The following STXBP4 variants were observed in gnomAD, a reference collection of about 807,000 sequenced individuals.
STXBP4 encodes syntaxin binding protein 4, also known as syntaxin-binding protein 4.
Under a neutral mutation model 76.1 loss-of-function variants are expected in STXBP4, and 55 were observed. The ratio of observed to expected loss-of-function variants is 0.72; its 90% confidence interval spans 0.58 to 0.91. The LOEUF is 0.91. Ranked by LOEUF, STXBP4 falls within the 40% of genes least tolerant of loss-of-function variation. The pLI is 0.00. For synonymous variants in STXBP4, 201 were observed against 220.2 expected (o/e 0.91, Z 0.77); for missense variants, 618 against 636.9 (o/e 0.97, Z 0.32).
At chr17:55,189,342 C>T in the STXBP4 span, among the ~76,000 whole-genome samples, 1 of 152,166 alleles carries the variant, frequency 6.6e-6, no homozygotes, top group Admixed American at 6.5e-5. Context: ...AAATGTGTGA[C>T]TTGAACAAGC....
chr17:55,047,104 T>C lies in STXBP4; in HGVS notation c.961T>C (p.Ser321Pro). The C allele has an allele frequency of 6.2e-7, 1 of 1,604,886 alleles. No individual in the cohort carries two copies. Among genetic ancestry groups the C allele is most frequent in the Non-Finnish European group, 8.5e-7 (1 of 1,173,634 alleles). ...VNTLKEKLLE[S>P]DKQRKQLTEE... The stretch of plus-strand genomic sequence containing the variant: ...TTAAATATAGGAAAAATTATTGGAA[T>C]CAGATAAGCAAAGGAAACAATTGAC... The change falls in exon 12 of 18, where the codon TCA becomes CCA. Residue 321 changes from serine to proline, a missense_variant. Ser to Pro is a moderately conservative substitution (Grantham distance 74). Transcript: ENST00000376352.
chr17:55,048,394 AC>A (rs925177237), intron 12 of STXBP4, among the ~76,000 whole-genome samples: 5 of 151,896 alleles, frequency 3.3e-5, no homozygotes, highest in African/African-American at 1.2e-4. Context: ...AAAGTATAGA[AC>A]AAAAATTCTA....
At chr17:55,051,429 C>T (rs1226855900) in intron 12 of STXBP4, among the ~76,000 whole-genome samples, 1 of 152,052 alleles carries the variant, frequency 6.6e-6, no homozygotes, top group Non-Finnish European at 1.5e-5. Context: ...TCATACAAGT[C>T]CTAAACCTTT....
chr17:55,159,739 C>T (rs2080319995), intron 17 of STXBP4, 58 bp from the exon 18 acceptor site: 2 of 1,174,480 alleles, frequency 1.7e-6, no homozygotes, highest in African/African-American at 1.5e-5. Flanking sequence ...TCAGTACTTG[C>T]ATGGATGAGT....
intron 8 of STXBP4, among the ~76,000 whole-genome samples, chr17:55,023,916 CAAAAAAAAAAAAA>C (rs61454264): frequency 4.0e-3 from 249 of 62,276 alleles, no homozygotes; most frequent in Middle Eastern, 0.026. Flanking sequence ...GGCCCTTTTC[CAAAAAAAAAAAAA>C]AAAAAAAAAA....
intron 17 of STXBP4, among the ~76,000 whole-genome samples, chr17:55,150,889 C>G (rs1377160709): frequency 6.6e-6 from 1 of 152,078 alleles, no homozygotes; most frequent in Non-Finnish European, 1.5e-5. Flanking sequence ...AATCAACTAA[C>G]CTTAAAATAG....
intron 8 of STXBP4, among the ~76,000 whole-genome samples, chr17:55,014,125 C>A (rs1366211939): frequency 3.3e-5 from 5 of 152,066 alleles, no homozygotes; most frequent in African/African-American, 4.8e-5. Context: ...CTTTTAGGTC[C>A]TTAACAATTT....
chr17:55,031,252 G>GT lies in STXBP4; in HGVS notation c.752dup (p.Ser252ValfsTer19). The GT allele has an allele frequency of 1.2e-6, 2 of 1,612,050 alleles. No homozygotes were observed. Among genetic ancestry groups the GT allele is most frequent in the Non-Finnish European group, 1.7e-6 (2 of 1,178,366 alleles). On this transcript the variant is annotated frameshift_variant, in exon 9 of 18. Coordinates refer to ENST00000376352, the MANE Select transcript of STXBP4 (RefSeq NM_178509.6). LOFTEE classifies it high-confidence loss of function. ...AGTACAAGCAGACTCAAAAGGGACAGTGTCTTTTGGAGGTAATATTAGGTT... is the reference window on the plus strand; with the variant it reads ...AGTACAAGCAGACTCAAAAGGGACAGTTGTCTTTTGGAGGTAATATTAGGTT...
intron 16 of STXBP4, among the ~76,000 whole-genome samples, chr17:55,109,966 ATTATC>A (rs2079693131): frequency 6.6e-6 from 1 of 152,152 alleles, no homozygotes; most frequent in Admixed American, 6.5e-5. Flanking sequence ...ATACAAATGT[ATTATC>A]TTATAGTTCT....
At chr17:55,069,248 A>T (rs557429543) in intron 12 of STXBP4, among the ~76,000 whole-genome samples, 1 of 151,782 alleles carries the variant, frequency 6.6e-6, no homozygotes, top group Non-Finnish European at 1.5e-5. Flanking sequence ...ATTAAAAAGC[A>T]TAATGCTTAT....
downstream of STXBP4, among the ~76,000 whole-genome samples, chr17:55,175,429 A>G (rs1598364508): frequency 6.6e-6 from 1 of 152,230 alleles, no homozygotes; most frequent in East Asian, 1.9e-4. Flanking sequence ...AACTTCAAGA[A>G]TCTAAAGTTG....
chr17:55,013,475 C>T (rs1053790967), intron 8 of STXBP4, among the ~76,000 whole-genome samples: 3 of 152,212 alleles, frequency 2.0e-5, no homozygotes, highest in Non-Finnish European at 4.4e-5. Context: ...TGCCAAGGAA[C>T]TCTCTTAGTT....
chr17:54,992,754 A>G (rs2077739175), intron 4 of STXBP4, among the ~76,000 whole-genome samples: 1 of 124,144 alleles, frequency 8.1e-6, no homozygotes, highest in African/African-American at 3.1e-5. Context: ...TCTGTTGCCC[A>G]GGCTGGAGTG....
At chr17:54,990,364 G>A (rs931826476) in intron 3 of STXBP4, among the ~76,000 whole-genome samples, 3 of 152,066 alleles carry the variant, frequency 2.0e-5, no homozygotes, top group African/African-American at 4.8e-5. Context: ...GATCAATGGC[G>A]GCATTCAATG....
intron 16 of STXBP4, among the ~76,000 whole-genome samples, chr17:55,089,752 A>G (rs537763854): frequency 6.6e-6 from 1 of 152,354 alleles, no homozygotes; most frequent in South Asian, 2.1e-4. Context: ...AGGCAGTTCT[A>G]TCTTTAGAAA....
chr17:55,114,284 C>A (rs919037145), intron 16 of STXBP4, among the ~76,000 whole-genome samples: 3 of 152,106 alleles, frequency 2.0e-5, no homozygotes, highest in African/African-American at 7.2e-5. Flanking sequence ...CTGAGGAACC[C>A]AATTGAGAAT....
chr17:55,056,429 A>G (rs1187064286), intron 12 of STXBP4, among the ~76,000 whole-genome samples: 2 of 152,226 alleles, frequency 1.3e-5, no homozygotes, highest in Non-Finnish European at 1.5e-5. Context: ...AAATTGTTCC[A>G]AACTTATTTT....
chr17:55,181,002 CTTCAA>C, the STXBP4 span, among the ~76,000 whole-genome samples: 1 of 152,196 alleles, frequency 6.6e-6, no homozygotes, highest in Non-Finnish European at 1.5e-5. Flanking sequence ...GCTGAGTATA[CTTCAA>C]TTCACTAACA....
intron 8 of STXBP4, among the ~76,000 whole-genome samples, chr17:55,019,173 C>T (rs886218393): frequency 6.6e-6 from 1 of 151,928 alleles, no homozygotes; most frequent in Non-Finnish European, 1.5e-5. Context: ...GTATTTCTAC[C>T]ATCTTATTTT....
Sources: gnomAD v4.1 joint callset for allele counts (sites outside exome capture counted in the v4.1 genomes callset) on GRCh38, gnomAD v4.1.1 for gene constraint, MANE v1.5 for transcripts, NCBI Gene and HGNC (gene_info 2026-07-23, HGNC 2026-07-21) for gene names.